PCDHGA1: variants seen among roughly 807,000 people sequenced by gnomAD.
PCDHGA1 encodes protocadherin gamma-A1.
PCDHGA1 carries 32 observed loss-of-function variants against 58.0 expected under a neutral mutation model. The ratio of observed to expected loss-of-function variants is 0.55; its 90% CI spans 0.42 to 0.74. PCDHGA1 has a LOEUF of 0.74. Among genes scored for constraint, PCDHGA1 ranks in the 30% least tolerant of loss-of-function variants. The probability of loss-of-function intolerance (pLI) is 0.00; values close to 1 mark genes in which losing one functional copy is unlikely to be tolerated. For synonymous variants in PCDHGA1, 498 were observed against 501.1 expected (o/e 0.99, Z 0.08); for missense variants, 1,205 against 1,182.3 (o/e 1.02, Z -0.28).
At chr5:141,496,400 A>G (rs540108338) in intron 2 of PCDHGA1, among the ~76,000 whole-genome samples, 2 of 152,240 alleles carry the variant, frequency 1.3e-5, no homozygotes, top group East Asian at 3.9e-4. Flanking sequence ...TACCTCCTCA[A>G]TGGTTGAGTA....
intron 1 of PCDHGA1, among the ~76,000 whole-genome samples, chr5:141,452,271 C>A (rs1592214421): frequency 6.6e-6 from 1 of 152,108 alleles, no homozygotes. Flanking sequence ...TTTCTTGAAC[C>A]CTTTCTTACT....
Position 141,432,211 on chromosome 5 carries a change from C to A in PCDHGA1, c.2422-62596C>A, listed in dbSNP as rs1390215329. On this transcript the variant is annotated intron_variant, in intron 1 of 3. Coordinates refer to ENST00000517417, the MANE Select transcript of PCDHGA1 (RefSeq NM_018912.3). The surrounding 1 kb of genome is among the most constrained non-coding windows in gnomAD (Gnocchi z 6.0). The stretch of plus-strand genomic sequence containing the variant: ...CCCACGACCCCGACTGTGAAGAGAA[C>A]GCCCAGATCACTTATTCCCTGGCTG... 1 of 1,614,232 alleles carries A rather than the reference C, an allele frequency of 6.2e-7. No individual in the cohort carries two copies. Among genetic ancestry groups the A allele is most frequent in the Admixed American group, 1.7e-5 (1 of 60,032 alleles).
intron 1 of PCDHGA1, chr5:141,421,364 T>C (rs975166167): frequency 3.7e-6 from 6 of 1,613,994 alleles, no homozygotes; most frequent in African/African-American, 1.3e-5. Context: ...GGCTCCTTCG[T>C]GGGCAATATC....
At position 141,477,850 on chromosome 5, in the gene PCDHGA1, G is replaced by A; in HGVS notation, c.2422-16957G>A. On this transcript the variant is annotated intron_variant, in intron 1 of 3. Transcript: ENST00000517417. The surrounding 1 kb of genome is among the most constrained non-coding windows in gnomAD (Gnocchi z 4.9). ...CTCGGCCAGGTGGGAGCTCGGTGGAGATGCTGCCTCGAGGTACCTCAGCTG... is the reference window on the plus strand; with the variant it reads ...CTCGGCCAGGTGGGAGCTCGGTGGAAATGCTGCCTCGAGGTACCTCAGCTG... 6.2e-7 allele frequency: 1 copy of A among 1,613,446 alleles called. No homozygotes were observed. Among genetic ancestry groups the A allele is most frequent in the Admixed American group, 1.7e-5 (1 of 59,958 alleles).
At chr5:141,438,591 C>CATATATATAT (rs946798767) in intron 1 of PCDHGA1, among the ~76,000 whole-genome samples, 17 of 75,552 alleles carry the variant, frequency 2.3e-4, no homozygotes, top group Non-Finnish European at 3.8e-4. Context: ...TACATACATA[C>CATATATATAT]ATATATATAT....
chr5:141,364,884 G>C, intron 1 of PCDHGA1: 1 of 1,614,002 alleles, frequency 6.2e-7, no homozygotes, highest in Non-Finnish European at 8.5e-7. Context: ...GTGGTAAGCG[G>C]AACTGATGGA....
intron 1 of PCDHGA1, chr5:141,375,029 G>T (rs1265395615): frequency 6.2e-7 from 1 of 1,614,032 alleles, no homozygotes; most frequent in Admixed American, 1.7e-5. Context: ...GAGTTTTTAT[G>T]AGCTGGGTGT....
intron 1 of PCDHGA1, chr5:141,478,866 C>G: frequency 7.7e-7 from 1 of 1,304,352 alleles, no homozygotes; most frequent in East Asian, 2.5e-5. Context: ...TCTCAGCGAT[C>G]AGAGTTTAGC....
chr5:141,375,417 C>G lies in PCDHGA1; in HGVS notation c.2421+42312C>G. ...ATCATCTCTCTAAATGTGGCAGACA[C>G]CAACGACAACCCGCCCACCTTCCCC... On this transcript the variant is annotated intron_variant, in intron 1 of 3. Coordinates refer to ENST00000517417, the MANE Select transcript of PCDHGA1 (RefSeq NM_018912.3). The G allele has an allele frequency of 1.9e-6, 3 of 1,613,976 alleles. No homozygotes were observed. The South Asian group carries it at 3.3e-5, about 18-fold the overall frequency.
chr5:141,429,858 A>T (rs1183727412), intron 1 of PCDHGA1, among the ~76,000 whole-genome samples: 1 of 152,192 alleles, frequency 6.6e-6, no homozygotes, highest in East Asian at 1.9e-4. Context: ...CATTCTTTGG[A>T]CTACCAATTT....
At chr5:141,429,945 T>C (rs1443623730) in intron 1 of PCDHGA1, among the ~76,000 whole-genome samples, 1 of 152,222 alleles carries the variant, frequency 6.6e-6, no homozygotes, top group East Asian at 1.9e-4. Flanking sequence ...ACTTCCATTA[T>C]TTCCAGTCAA....
In PCDHGA1 at chr5:141,339,268, C is replaced by T. The variant is rs1338021572; in HGVS notation, c.2421+6163C>T. On this transcript the variant is annotated intron_variant, in intron 1 of 3. Transcript: ENST00000517417. The stretch of plus-strand genomic sequence containing the variant: ...ACCGGGAGGAGCTCTGCGCTCAGAG[C>T]GCACCCTGTCTGTTGAATTTTAACA... 2.5e-6 allele frequency: 4 copies of T among 1,614,090 alleles called. No individual in the cohort carries two copies. The South Asian group carries it at 3.3e-5, about 13-fold the overall frequency.
intron 1 of PCDHGA1, among the ~76,000 whole-genome samples, chr5:141,465,206 C>T (rs375753635): frequency 1.8e-4 from 27 of 151,896 alleles, no homozygotes; most frequent in Middle Eastern, 3.4e-3. Context: ...AAAATATAAG[C>T]TTTATTTTTC....
At chr5:141,408,851 G>A in intron 1 of PCDHGA1, 1 of 1,613,574 alleles carries the variant, frequency 6.2e-7, no homozygotes, top group Non-Finnish European at 8.5e-7. Context: ...TGCCTTGGAC[G>A]GAGGGGACCC....
At chr5:141,492,244 C>T (rs1334647731) in intron 1 of PCDHGA1, among the ~76,000 whole-genome samples, 1 of 152,198 alleles carries the variant, frequency 6.6e-6, no homozygotes, top group Admixed American at 6.5e-5. Flanking sequence ...TGGCCACCCC[C>T]ACGGCCCACA....
rs762914864 is a variant in PCDHGA1 at position 141,352,412 on chromosome 5, G to T, written c.2421+19307G>T. The T allele has an allele frequency of 1.7e-5, 28 of 1,613,880 alleles. No homozygotes were observed. The highest frequency in any genetic ancestry group is 2.4e-5 in the Non-Finnish European group (28 of 1,179,900). On this transcript the variant is annotated intron_variant, in intron 1 of 3. Coordinates refer to ENST00000517417, the MANE Select transcript of PCDHGA1 (RefSeq NM_018912.3). The stretch of plus-strand genomic sequence containing the variant: ...GCGCCTGCGACGTTCCTCCAGCCTC[G>T]ACACTGAGGGCTGCTTTCAAACCGG...
chr5:141,494,891 C>G, intron 2 of PCDHGA1, 26 bp downstream of exon 2: 1 of 1,614,098 alleles, frequency 6.2e-7, no homozygotes. Flanking sequence ...TCCAGCCCAC[C>G]CTCTTCTCTG....
At chr5:141,364,978 T>G (rs753013611) in intron 1 of PCDHGA1, 1 of 1,613,892 alleles carries the variant, frequency 6.2e-7, no homozygotes, top group Non-Finnish European at 8.5e-7. Flanking sequence ...CAGCTTTAGA[T>G]GGCGGAGACC....
intron 1 of PCDHGA1, chr5:141,376,569 G>T: frequency 6.2e-7 from 1 of 1,603,942 alleles, no homozygotes; most frequent in South Asian, 1.1e-5. Flanking sequence ...CAACTAATCA[G>T]ACAGGCTCAT....
Sources: gnomAD v4.1 joint callset for allele counts (sites outside exome capture counted in the v4.1 genomes callset) on GRCh38, gnomAD v4.1.1 for gene constraint, Gnocchi (gnomAD v3.1) non-coding constraint, MANE v1.5 for transcripts, NCBI Gene and HGNC (gene_info 2026-07-23, HGNC 2026-07-21) for gene names.